Variants in TMEM132C observed in about 807,000 individuals in gnomAD.
TMEM132C encodes protein phosphatase 1, regulatory subunit 152.
A neutral mutation model predicts 61.4 loss-of-function variants in TMEM132C; 29 were observed. The observed-to-expected ratio is 0.47, with a 90% CI of 0.35 to 0.64. TMEM132C has a LOEUF of 0.64. Ranked by LOEUF, TMEM132C falls within the 30% of genes least tolerant of loss-of-function variation. TMEM132C has a pLI of 0.00. For synonymous variants in TMEM132C, 656 were observed against 633.1 expected (o/e 1.04, Z -0.54); for missense variants, 1,408 against 1,476.9 (o/e 0.95, Z 0.76).
chr12:128,498,871 G>T (rs1393482285), intron 2 of TMEM132C, among the ~76,000 whole-genome samples: 1 of 151,824 alleles, frequency 6.6e-6, no homozygotes, highest in Non-Finnish European at 1.5e-5. Flanking sequence ...AGAAATAAAA[G>T]AAGATCTGAA....
intron 2 of TMEM132C, among the ~76,000 whole-genome samples, chr12:128,418,193 C>G (rs1444056406): frequency 6.6e-6 from 1 of 152,164 alleles, no homozygotes; most frequent in Non-Finnish European, 1.5e-5. Flanking sequence ...GAGCAGCAGA[C>G]GTTCCCCAAA....
At chr12:128,511,765 G>T (rs191753564) in intron 2 of TMEM132C, among the ~76,000 whole-genome samples, 1 of 152,166 alleles carries the variant, frequency 6.6e-6, no homozygotes, top group African/African-American at 2.4e-5. Flanking sequence ...TGTATGGCCC[G>T]CACCCCACCC....
chr12:128,594,044 C>T (rs1010918624), intron 3 of TMEM132C, among the ~76,000 whole-genome samples: 13 of 149,268 alleles, frequency 8.7e-5, no homozygotes, highest in Non-Finnish European at 1.5e-4. Context: ...CGCCCCTCCC[C>T]CACCACCCAC....
chr12:128,339,351 G>C (rs1872886901), intron 1 of TMEM132C, among the ~76,000 whole-genome samples: 1 of 151,996 alleles, frequency 6.6e-6, no homozygotes, highest in Non-Finnish European at 1.5e-5. Context: ...CTCTAATCTT[G>C]TCTGTGCTGG....
rs1269000296 is a variant in TMEM132C, at chr12:128,616,243, G to A, written c.1213G>A (p.Val405Met). 2 of 1,551,784 alleles carry A rather than the reference G, an allele frequency of 1.3e-6. No individual in the cohort carries two copies. The change falls in exon 4 of 9, where the codon GTG becomes ATG. Residue 405 changes from valine (V) to methionine (M), a missense_variant. Physicochemically the swap from Val to Met is conservative, Grantham distance 21. Coordinates refer to ENST00000435159, the MANE Select transcript of TMEM132C (RefSeq NM_001136103.3). Reference protein sequence around the residue: ...LSGTQPITWQVEYPRKGTTDI... With the variant: ...LSGTQPITWQMEYPRKGTTDI... ...AGGGACTCAGCCCATCACGTGGCAG[G>A]TGGAGTACCCACGGAAGGGGACCAC...
At position 128,486,900 on chromosome 12, in the gene TMEM132C, C is replaced by T. The variant is rs558435168; in HGVS notation, c.975-57057C>T. On this transcript the variant is annotated intron_variant, in intron 2 of 8. Coordinates refer to ENST00000435159, the MANE Select transcript of TMEM132C (RefSeq NM_001136103.3). ...AAACACACACACACACACACACACACACACACACACACACACACACAGCTC... is the reference window on the plus strand; with the variant it reads ...AAACACACACACACACACACACACATACACACACACACACACACACAGCTC... Among the ~76,000 whole-genome samples, 4 of 151,660 alleles carry T rather than the reference C, an allele frequency of 2.6e-5. No homozygotes were observed. In the South Asian group the frequency reaches 8.3e-4, roughly 32 times the overall value.
Position 128,398,573 on chromosome 12 carries a change from G to A in TMEM132C, c.86-16159G>A, listed in dbSNP as rs545891696. ...TTAAAAAATACATAACATAAAGCCT[G>A]TGCTCTGAGACAGGATAGCGCAGAA... On this transcript the variant is annotated intron_variant, in intron 1 of 8. Coordinates refer to ENST00000435159, the MANE Select transcript of TMEM132C (RefSeq NM_001136103.3). Among the ~76,000 whole-genome samples the A allele has an allele frequency of 7.2e-5, 11 of 152,312 alleles. 1 individual carries two copies. The highest frequency in any genetic ancestry group is 3.4e-3 in the Middle Eastern group (1 of 294).
intron 1 of TMEM132C, among the ~76,000 whole-genome samples, chr12:128,292,954 A>ATG (rs1491215745): frequency 1.2e-5 from 1 of 85,078 alleles, no homozygotes; most frequent in Non-Finnish European, 3.2e-5. Context: ...AGGTATGTGT[A>ATG]TGTGTGTGTG....
chr12:128,396,683 G>T (rs1054724574), intron 1 of TMEM132C, among the ~76,000 whole-genome samples: 1 of 151,906 alleles, frequency 6.6e-6, no homozygotes, highest in African/African-American at 2.4e-5. Flanking sequence ...CCCAAGAGGA[G>T]TGTGCTATTA....
intron 3 of TMEM132C, among the ~76,000 whole-genome samples, chr12:128,561,575 G>T (rs1327932826): frequency 1.3e-5 from 2 of 152,172 alleles, no homozygotes; most frequent in Non-Finnish European, 2.9e-5. Context: ...GCATATTAGG[G>T]TTCATTAGGT....
chr12:128,529,144 A>G (rs1444853954), intron 2 of TMEM132C, among the ~76,000 whole-genome samples: 1 of 151,390 alleles, frequency 6.6e-6, no homozygotes, highest in African/African-American at 2.4e-5. Context: ...TTTTATATTA[A>G]TATTTTATTA....
At chr12:128,398,317 C>G (rs1431779683) in intron 1 of TMEM132C, among the ~76,000 whole-genome samples, 1 of 152,220 alleles carries the variant, frequency 6.6e-6, no homozygotes, top group Non-Finnish European at 1.5e-5. Context: ...AGTGATAGTT[C>G]TGCAACCTTT....
chr12:128,601,378 A>G (rs921845844), intron 3 of TMEM132C, among the ~76,000 whole-genome samples: 15 of 152,208 alleles, frequency 9.9e-5, no homozygotes, highest in African/African-American at 4.8e-5. Context: ...TTTGCTGTGC[A>G]CTTTCTACGA....
At chr12:128,376,233 T>TTAA (rs1874188730) in intron 1 of TMEM132C, among the ~76,000 whole-genome samples, 1 of 152,230 alleles carries the variant, frequency 6.6e-6, no homozygotes, top group Non-Finnish European at 1.5e-5. Context: ...TTTCCTGGGC[T>TTAA]TAAAGTAACC....
At chr12:128,399,167 G>GA (rs781234956) in intron 1 of TMEM132C, among the ~76,000 whole-genome samples, 13 of 152,278 alleles carry the variant, frequency 8.5e-5, no homozygotes, top group Non-Finnish European at 1.5e-4. Flanking sequence ...ACATGTGGGG[G>GA]AAAAATGCGG....
At chr12:128,558,286 C>T (rs1414153019) in intron 3 of TMEM132C, among the ~76,000 whole-genome samples, 1 of 152,304 alleles carries the variant, frequency 6.6e-6, no homozygotes, top group African/African-American at 2.4e-5. Context: ...CAAATCTCAC[C>T]TTGAATTGTA....
At chr12:128,604,689 G>A (rs183715423) in intron 3 of TMEM132C, among the ~76,000 whole-genome samples, 1 of 151,970 alleles carries the variant, frequency 6.6e-6, no homozygotes, top group Non-Finnish European at 1.5e-5. Context: ...TAGAGGGGTA[G>A]ATAGATAATA....
intron 1 of TMEM132C, among the ~76,000 whole-genome samples, chr12:128,311,741 T>C (rs1871974457): frequency 6.6e-6 from 1 of 152,192 alleles, no homozygotes; most frequent in Non-Finnish European, 1.5e-5. Flanking sequence ...CGGTCCTGGC[T>C]CCTCACGCTG....
At chr12:128,634,281 G>T (rs1954084199) in intron 4 of TMEM132C, among the ~76,000 whole-genome samples, 1 of 152,144 alleles carries the variant, frequency 6.6e-6, no homozygotes, top group Non-Finnish European at 1.5e-5. Context: ...TCACTATGTT[G>T]CCCAGCTAGT....
Sources: allele counts gnomAD v4.1 joint callset (sites outside exome capture counted in the v4.1 genomes callset), GRCh38; gene constraint gnomAD v4.1.1; transcripts MANE v1.5; gene names NCBI Gene and HGNC (gene_info 2026-07-23, HGNC 2026-07-21).